TSPEAR: variants seen among roughly 807,000 people sequenced by gnomAD.
TSPEAR encodes thrombospondin type laminin G domain and EAR repeats, also known as thrombospondin-type laminin G domain and EAR repeat-containing protein.
In TSPEAR, 69 loss-of-function variants were observed where a neutral mutation model predicts 71.6. The ratio of observed to expected loss-of-function variants is 0.96; its 90% confidence interval spans 0.79 to 1.18. The LOEUF is 1.18. Ranked by LOEUF, TSPEAR falls within the 50% of genes most tolerant of loss-of-function variation. The pLI is 0.00. For missense variants in TSPEAR, 971 were observed against 894.9 expected, an observed-to-expected ratio of 1.09 and a Z score of -1.09; for synonymous variants, 402 against 387.2, an observed-to-expected ratio of 1.04 and a Z score of -0.45.
chr21:44,621,377 T>C lies in TSPEAR; in HGVS notation c.83-53372A>G, dbSNP rs184652274. The stretch of plus-strand genomic sequence containing the variant: ...TGATCTGATGATAAACATGTATATA[T>C]TTATAATTGATATATCTTATTGATG... On this transcript the variant is annotated intron_variant, in intron 1 of 11. Coordinates refer to ENST00000323084, the MANE Select transcript of TSPEAR (RefSeq NM_144991.3). 3.8e-3 allele frequency among the ~76,000 whole-genome samples: 578 copies of C among 152,362 alleles called. 3 individuals carry two copies. Among genetic ancestry groups the C allele is most frequent in the African/African-American group, 0.013 (552 of 41,586 alleles).
intron 2 of TSPEAR, among the ~76,000 whole-genome samples, chr21:44,562,947 A>G (rs1352477392): frequency 6.6e-6 from 1 of 152,224 alleles, no homozygotes; most frequent in Non-Finnish European, 1.5e-5. Flanking sequence ...AAAACTAATT[A>G]TGTAATTATA....
At chr21:44,602,358 T>C (rs442110) in intron 1 of TSPEAR, among the ~76,000 whole-genome samples, 135,897 of 152,178 alleles carry the variant, frequency 0.89, 61,009 homozygotes, top group Non-Finnish European at 0.94. Flanking sequence ...ATGGGAGAGG[T>C]GAGGGATCCA....
intron 1 of TSPEAR, among the ~76,000 whole-genome samples, chr21:44,599,134 T>TTCTCTCTCTC (rs58774528): frequency 0.065 from 5,986 of 92,170 alleles, 598 homozygotes; most frequent in Non-Finnish European, 0.1. Context: ...GGCCCCCATT[T>TTCTCTCTCTC]TCTCTCTCTC....
At position 44,509,313 on chromosome 21, in the gene TSPEAR, C is replaced by T. The variant is rs781967583; in HGVS notation, c.1640G>A (p.Ser547Asn). The T allele has an allele frequency of 5.6e-6, 9 of 1,613,966 alleles. No individual in the cohort carries two copies. The highest frequency in any genetic ancestry group is 5.5e-5 in the South Asian group (5 of 91,072). ...CTGGACTTGCATCTCCACATCGTAG[C>T]TGTGACTGTTTGCCACAGCGAGGAA... Reference protein sequence around the residue: ...RIFLAVANSHSYDVEMQVQND... With the variant: ...RIFLAVANSHNYDVEMQVQND... Residue 547 changes from serine (S) to asparagine (N), a missense_variant, in exon 10 of 12, where the codon AGC (serine) becomes AAC (asparagine). Physicochemically the swap from Ser to Asn is conservative, Grantham distance 46 (BLOSUM62 1). Coordinates refer to ENST00000323084, the MANE Select transcript of TSPEAR (RefSeq NM_144991.3).
chr21:44,517,821 C>T (rs782235258), intron 9 of TSPEAR: 2 of 471,250 alleles, frequency 4.2e-6, no homozygotes, highest in Non-Finnish European at 8.8e-6. Flanking sequence ...GCCGCGGCTC[C>T]TGTGTGCTTT....
chr21:44,578,997 G>A (rs1337024061), intron 1 of TSPEAR, among the ~76,000 whole-genome samples: 3 of 152,176 alleles, frequency 2.0e-5, no homozygotes, highest in Admixed American at 2.0e-4. Flanking sequence ...CGTCCTGATC[G>A]AGTCCCTTGT....
chr21:44,601,090 G>T (rs1218053941), intron 1 of TSPEAR: 10 of 1,609,504 alleles, frequency 6.2e-6, no homozygotes, highest in Non-Finnish European at 8.5e-6. Flanking sequence ...GGCCTGCTGT[G>T]TGCCCATCTG....
At chr21:44,533,588 G>T in intron 3 of TSPEAR, 97 bp downstream of exon 3, 2 of 1,040,538 alleles carry the variant, frequency 1.9e-6, no homozygotes, top group Non-Finnish European at 2.8e-6. Flanking sequence ...CCCCAGGACA[G>T]CTCCTGCAGG....
chr21:44,574,950 G>T, intron 1 of TSPEAR: 1 of 1,606,744 alleles, frequency 6.2e-7, no homozygotes, highest in Non-Finnish European at 8.5e-7. Flanking sequence ...AGCCTCCTGC[G>T]TGTCCCTCCT....
intron 1 of TSPEAR, among the ~76,000 whole-genome samples, chr21:44,621,838 T>C (rs1403975053): frequency 1.3e-5 from 2 of 151,250 alleles, no homozygotes; most frequent in African/African-American, 2.4e-5. Context: ...GTGGATTCGG[T>C]GTCTTGACAA....
At chr21:44,631,369 A>G (rs1223881863) in intron 1 of TSPEAR, among the ~76,000 whole-genome samples, 2 of 152,190 alleles carry the variant, frequency 1.3e-5, no homozygotes, top group Non-Finnish European at 2.9e-5. Context: ...ACAGAAGGAA[A>G]AATTAGAGAA....
chr21:44,697,321 C>T, intron 1 of TSPEAR: 1 of 1,613,300 alleles, frequency 6.2e-7, no homozygotes, highest in Non-Finnish European at 8.5e-7. Context: ...GTGAGCCCCC[C>T]TGCTGCGCCC....
At chr21:44,554,084 A>C (rs1178087251) in intron 2 of TSPEAR, among the ~76,000 whole-genome samples, 2 of 152,260 alleles carry the variant, frequency 1.3e-5, no homozygotes, top group African/African-American at 2.4e-5. Flanking sequence ...GTATCCTCCC[A>C]AAATTCACAT....
chr21:44,541,999 A>G (rs1325185866), intron 2 of TSPEAR, among the ~76,000 whole-genome samples: 2 of 152,240 alleles, frequency 1.3e-5, no homozygotes, highest in African/African-American at 2.4e-5. Flanking sequence ...AAAAAAACAA[A>G]CAAGAGAAAC....
intron 1 of TSPEAR, chr21:44,646,975 A>G: frequency 6.2e-7 from 1 of 1,611,544 alleles, no homozygotes; most frequent in East Asian, 2.2e-5. Context: ...CCAGCAGTCT[A>G]GCTGCCAGCC....
chr21:44,531,143 T>G lies in TSPEAR; in HGVS notation c.543-10A>C. ...GGGCACATCGGCCATTCTGAAAATA[T>G]CAAAGGACTGTGTTAGGGCCATAGG... On this transcript the variant is annotated splice_polypyrimidine_tract_variant and intron_variant, in intron 3 of 11. Coordinates refer to ENST00000323084, the MANE Select transcript of TSPEAR (RefSeq NM_144991.3). 2 of 1,612,086 alleles carry G rather than the reference T, an allele frequency of 1.2e-6. No homozygotes were observed. Among genetic ancestry groups the G allele is most frequent in the Non-Finnish European group, 1.7e-6 (2 of 1,178,678 alleles).
At chr21:44,626,148 G>A (rs1488890020) in intron 1 of TSPEAR, among the ~76,000 whole-genome samples, 2 of 152,232 alleles carry the variant, frequency 1.3e-5, no homozygotes, top group African/African-American at 4.8e-5. Flanking sequence ...AATGAAATAT[G>A]CGTATGTGTA....
At position 44,509,380 on chromosome 21, in the gene TSPEAR, C is replaced by G. The variant is rs587671725; in HGVS notation, c.1573G>C (p.Gly525Arg). The G allele has an allele frequency of 1.2e-5, 20 of 1,611,378 alleles. No homozygotes were observed. The South Asian group carries it at 2.2e-4, about 18-fold the overall frequency. Residue 525 changes from glycine (G) to arginine (R), a missense_variant, in exon 10 of 12, where the codon GGT (glycine) becomes CGT (arginine). Gly to Arg is a moderately radical substitution (Grantham distance 125). Coordinates refer to ENST00000323084, the MANE Select transcript of TSPEAR (RefSeq NM_144991.3). ...TGGAAGACCTCCCAGTCTGCAGCAC[C>G]GAACGTCTAGGACCAAAGGAGAGCA... ...FQLFQSFPTF[G>R]AADWEVFQIG...
At chr21:44,528,717 A>C in intron 5 of TSPEAR, 134 bp from the exon 6 acceptor site, 1 of 1,175,278 alleles carries the variant, frequency 8.5e-7, no homozygotes. Flanking sequence ...CCCTGCAGGC[A>C]CCTTGGCACA....
Sources: gnomAD v4.1 joint callset for allele counts (sites outside exome capture counted in the v4.1 genomes callset) on GRCh38, gnomAD v4.1.1 for gene constraint, MANE v1.5 for transcripts, NCBI Gene and HGNC (gene_info 2026-07-23, HGNC 2026-07-21) for gene names.